The following VPS13B variants were observed in gnomAD, a reference collection of about 807,000 sequenced individuals.
VPS13B encodes vacuolar protein sorting 13 homolog B, also known as intermembrane lipid transfer protein VPS13B.
Under a neutral mutation model 426.4 loss-of-function variants are expected in VPS13B, and 285 were observed. That is an observed-to-expected ratio of 0.67 (90% confidence interval 0.61 to 0.74). The LOEUF is 0.74. VPS13B is among the 30% of genes least tolerant of loss of function. VPS13B has a pLI of 0.00. For synonymous variants in VPS13B, 1,676 were observed against 1,676.4 expected, an observed-to-expected ratio of 1.00 and a Z score of 0.01; for missense variants, 4,537 against 4,782.6, an observed-to-expected ratio of 0.95 and a Z score of 1.51.
At chr8:99,644,788 A>G (rs901842639) in intron 34 of VPS13B, among the ~76,000 whole-genome samples, 6 of 152,192 alleles carry the variant, frequency 3.9e-5, no homozygotes, top group African/African-American at 1.4e-4. Context: ...AATTTTTTTC[A>G]GAAGACCCAA....
chr8:99,051,352 T>C (rs2132264828), intron 3 of VPS13B, among the ~76,000 whole-genome samples: 1 of 152,274 alleles, frequency 6.6e-6, no homozygotes, highest in African/African-American at 2.4e-5. Flanking sequence ...ATATGCGGCA[T>C]TATTTCTGAG....
intron 21 of VPS13B, among the ~76,000 whole-genome samples, chr8:99,404,986 G>C (rs1384987779): frequency 6.6e-6 from 1 of 152,152 alleles, no homozygotes. Context: ...AGCTTATTTT[G>C]ACTAATAAGT....
chr8:99,451,064 T>C (rs1818173708), intron 23 of VPS13B, among the ~76,000 whole-genome samples: 1 of 152,206 alleles, frequency 6.6e-6, no homozygotes, highest in African/African-American at 2.4e-5. Context: ...GAATAATAAA[T>C]GAGACCTCTT....
intron 17 of VPS13B, among the ~76,000 whole-genome samples, chr8:99,261,226 C>T (rs1588184150): frequency 1.3e-5 from 2 of 152,062 alleles, no homozygotes; most frequent in East Asian, 3.8e-4. Flanking sequence ...CCATCCTTAT[C>T]ATATCATATA....
At chr8:99,758,463 G>A (rs1810751502) in intron 39 of VPS13B, among the ~76,000 whole-genome samples, 1 of 152,174 alleles carries the variant, frequency 6.6e-6, no homozygotes, top group African/African-American at 2.4e-5. Context: ...TTATTTTTAA[G>A]AATACTAGTC....
chr8:99,068,743 T>C (rs1307720694), intron 3 of VPS13B, among the ~76,000 whole-genome samples: 1 of 152,138 alleles, frequency 6.6e-6, no homozygotes, highest in African/African-American at 2.4e-5. Flanking sequence ...TTAAAGGCCA[T>C]TAAATCTCAT....
At position 99,096,424 on chromosome 8, in the gene VPS13B, T is replaced by C. The variant is rs571633913; in HGVS notation, c.404T>C (p.Leu135Ser). The part of the protein sequence containing the change: ...MQQAAPTDPD[L>S]PPGYVQSLIR... ...CAGGCTGCTCCTACAGATCCTGACT[T>C]ACCACCAGGTAACTTCTAATGGGAT... The change falls in exon 4 of 62, where the codon TTA (leucine) becomes TCA (serine). Residue 135 changes from leucine (L) to serine (S), a missense_variant. Coordinates refer to ENST00000357162, the MANE Select transcript of VPS13B (RefSeq NM_152564.5). 6.2e-7 allele frequency: 1 copy of C among 1,614,026 alleles called. No homozygotes were observed. The highest frequency in any genetic ancestry group is 1.1e-5 in the South Asian group (1 of 91,086).
At chr8:99,036,100 G>T (rs1430157837) in intron 2 of VPS13B, among the ~76,000 whole-genome samples, 1 of 151,990 alleles carries the variant, frequency 6.6e-6, no homozygotes, top group Non-Finnish European at 1.5e-5. Context: ...CATTTCATAG[G>T]TTGTCTTTTT....
intron 24 of VPS13B, among the ~76,000 whole-genome samples, chr8:99,473,721 CTG>C (rs1285482334): frequency 6.6e-6 from 1 of 152,126 alleles, no homozygotes; most frequent in African/African-American, 2.4e-5. Context: ...AGAAGTAAAA[CTG>C]TTTGCATGTA....
intron 24 of VPS13B, among the ~76,000 whole-genome samples, chr8:99,477,160 T>C (rs1240611355): frequency 1.3e-5 from 2 of 152,200 alleles, no homozygotes; most frequent in Non-Finnish European, 2.9e-5. Context: ...AATTTAATCT[T>C]TCATGGTCAA....
chr8:99,647,464 G>A (rs1266789071), intron 34 of VPS13B, among the ~76,000 whole-genome samples: 1 of 151,728 alleles, frequency 6.6e-6, no homozygotes, highest in East Asian at 1.9e-4. Context: ...AGGAGGCTGA[G>A]GCGGAAGAAT....
intron 2 of VPS13B, among the ~76,000 whole-genome samples, chr8:99,020,136 CTT>C (rs1364636729): frequency 3.1e-5 from 4 of 127,896 alleles, no homozygotes; most frequent in African/African-American, 1.2e-4. Context: ...GTCACTAACA[CTT>C]GTTGTTTTAC....
At chr8:99,696,507 G>C in intron 35 of VPS13B, 2 of 432,948 alleles carry the variant, frequency 4.6e-6, no homozygotes, top group Admixed American at 3.4e-5. Context: ...CCTTGTGTTC[G>C]TGGTTGTCCA....
intron 39 of VPS13B, among the ~76,000 whole-genome samples, chr8:99,741,931 A>G (rs967880713): frequency 5.3e-5 from 8 of 152,184 alleles, no homozygotes; most frequent in Non-Finnish European, 1.0e-4. Context: ...AAGCAAGAGC[A>G]AACACATTCA....
rs71273182 is a variant in VPS13B, at chr8:99,365,516, C to CTTCTTTTT, written c.2825-18690_2825-18689insCTTTTTTT. Among the ~76,000 whole-genome samples the CTTCTTTTT allele has an allele frequency of 8.0e-3, 815 of 102,328 alleles. 2 individuals carry two copies. Among genetic ancestry groups the CTTCTTTTT allele is most frequent in the Non-Finnish European group, 0.011 (597 of 54,596 alleles). 67.1% of individuals were successfully genotyped at this position (102,328 alleles called of 152,430 possible). On this transcript the variant is annotated intron_variant, in intron 19 of 61. Coordinates refer to ENST00000357162, the MANE Select transcript of VPS13B (RefSeq NM_152564.5). ...TTCCAATTTTCTTCTTCTTCTTCTT[C>CTTCTTTTT]TTTTTTTTTTTTTTTTTTGAGGCGG... is the stretch of plus-strand genomic sequence containing the variant.
At chr8:99,222,222 T>C (rs1458123243) in intron 17 of VPS13B, among the ~76,000 whole-genome samples, 1 of 152,158 alleles carries the variant, frequency 6.6e-6, no homozygotes, top group Non-Finnish European at 1.5e-5. Flanking sequence ...GACAACACAT[T>C]TTAGTCTGTC....
chr8:99,832,341 A>AATTTTTTTTTTTTTTTTTTTTTT, intron 51 of VPS13B, 28 bp from the exon 52 acceptor site: 1 of 1,192,552 alleles, frequency 8.4e-7, no homozygotes, highest in Non-Finnish European at 1.1e-6. Flanking sequence ...TGCTCTCTGC[A>AATTTTTTTTTTTTTTTTTTTTTT]TTTTTTTTTT....
chr8:99,661,440 A>G lies in VPS13B; in HGVS notation c.5995A>G (p.Ile1999Val), dbSNP rs1364601401. 1 of 1,613,616 alleles carries G rather than the reference A, an allele frequency of 6.2e-7. No homozygotes were observed. The highest frequency in any genetic ancestry group is 8.5e-7 in the Non-Finnish European group (1 of 1,179,836). The stretch of plus-strand genomic sequence containing the variant: ...TGGAGAAATAGACAGCAAAAGTGGT[A>G]TTCCACCTTCCTTTATAACACTACA... Reference protein sequence around the residue: ...VPGEIDSKSGIPPSFITLQIK... With the variant: ...VPGEIDSKSGVPPSFITLQIK... The change falls in exon 35 of 62, where the codon ATT becomes GTT. Residue 1999 changes from isoleucine (I) to valine (V), a missense_variant. By Grantham distance (29) the Ile-to-Val change is conservative. This residue lies in a region of VPS13B where 4,311 missense variants were observed against 4,474.3 expected (regional missense o/e 0.96). Transcript: ENST00000357162.
intron 3 of VPS13B, among the ~76,000 whole-genome samples, chr8:99,055,843 C>T (rs551903597): frequency 6.6e-6 from 1 of 151,918 alleles, no homozygotes; most frequent in Admixed American, 6.6e-5. Context: ...AATGCTCCCA[C>T]CTCATCTTCC....
Sources: allele counts gnomAD v4.1 joint callset (sites outside exome capture counted in the v4.1 genomes callset), GRCh38; gene constraint gnomAD v4.1.1; regional missense constraint gnomAD v4.1.1; transcripts MANE v1.5; gene names NCBI Gene and HGNC (gene_info 2026-07-23, HGNC 2026-07-21).